The following NUP210L variants were observed in gnomAD, a reference collection of about 807,000 sequenced individuals.
The protein encoded by NUP210L is nuclear pore membrane glycoprotein 210-like.
In NUP210L, 74 loss-of-function variants were observed where a neutral mutation model predicts 208.5. The ratio of observed to expected loss-of-function variants is 0.35; its 90% CI spans 0.29 to 0.43. The LOEUF is 0.43. Ranked by LOEUF, NUP210L falls within the 20% of genes least tolerant of loss-of-function variation. The pLI is 1.00. For missense variants in NUP210L, 1,843 were observed against 2,289.4 expected, an observed-to-expected ratio of 0.81 and a Z score of 3.98; for synonymous variants, 780 against 816.9, an observed-to-expected ratio of 0.95 and a Z score of 0.77.
chr1:154,141,643 AT>A, intron 3 of NUP210L, 119 bp from the exon 4 acceptor site: 1 of 647,134 alleles, frequency 1.5e-6, no homozygotes, highest in South Asian at 1.9e-5. Flanking sequence ...TCATTAAGAA[AT>A]AGAAAGCACT....
intron 16 of NUP210L, among the ~76,000 whole-genome samples, chr1:154,076,139 C>T (rs912529579): frequency 2.2e-5 from 3 of 139,308 alleles, no homozygotes; most frequent in South Asian, 4.6e-4. Context: ...GAGTCTCACT[C>T]TGTTGCCAGG....
At chr1:154,050,284 A>T in intron 25 of NUP210L, among the ~76,000 whole-genome samples, 1 of 152,180 alleles carries the variant, frequency 6.6e-6, no homozygotes, top group South Asian at 2.1e-4. Context: ...AGGCATTCCT[A>T]CCTTGCCATG....
intron 30 of NUP210L, 37 bp downstream of exon 30, chr1:154,025,505 T>C: frequency 2.8e-6 from 4 of 1,412,262 alleles, no homozygotes; most frequent in Non-Finnish European, 3.8e-6. Flanking sequence ...GTATGACTTT[T>C]ATTTATTTGT....
chr1:154,019,152 T>A (rs1289921564), intron 32 of NUP210L, 83 bp from the exon 33 acceptor site: 1 of 1,421,792 alleles, frequency 7.0e-7, no homozygotes, highest in East Asian at 2.3e-5. Flanking sequence ...AATCAGTAAA[T>A]TTTTCAAGCA....
At chr1:154,068,727 A>T (rs1254492031) in intron 17 of NUP210L, among the ~76,000 whole-genome samples, 1 of 152,080 alleles carries the variant, frequency 6.6e-6, no homozygotes, top group African/African-American at 2.4e-5. Flanking sequence ...TCGCAAGAAC[A>T]AAAAACCAAA....
In NUP210L at chr1:154,132,176, C is replaced by T. The variant is rs370908160; in HGVS notation, c.1010-2831G>A. On this transcript the variant is annotated intron_variant, in intron 7 of 39. Coordinates refer to ENST00000368559, the Ensembl canonical transcript of NUP210L. ...TCCTCACACGTTCTCTTTTCCCATA[C>T]GAACCTTAAAAGCTAGCATTACACA... Among the ~76,000 whole-genome samples the T allele has an allele frequency of 7.8e-4, 119 of 152,284 alleles. 2 individuals carry two copies. The South Asian group carries it at 0.019, about 24-fold the overall frequency.
chr1:154,022,032 T>C (rs1651596044), intron 32 of NUP210L, 94 bp downstream of exon 32: 1 of 1,143,752 alleles, frequency 8.7e-7, no homozygotes, highest in African/African-American at 1.5e-5. Flanking sequence ...ACTATACCAG[T>C]CCAAGGGATT....
rs768858895 is a variant in NUP210L, at chr1:154,061,062, G to A, written c.2644-16C>T. 6.4e-7 allele frequency: 1 copy of A among 1,553,880 alleles called. No individual in the cohort carries two copies. Among genetic ancestry groups the A allele is most frequent in the African/African-American group, 1.4e-5 (1 of 73,562 alleles). On this transcript the variant is annotated splice_polypyrimidine_tract_variant and intron_variant, in intron 18 of 39. Coordinates refer to ENST00000368559, the Ensembl canonical transcript of NUP210L. ...TGGAAATTTCCTAGAAATATAATAAGAACCACAAAAGTGAATATAAACATC... is the reference window on the plus strand; with the variant it reads ...TGGAAATTTCCTAGAAATATAATAAAAACCACAAAAGTGAATATAAACATC...
chr1:154,118,635 G>T (rs1254592522), intron 11 of NUP210L, 36 bp downstream of exon 11: 3 of 1,338,648 alleles, frequency 2.2e-6, no homozygotes, highest in African/African-American at 3.0e-5. Flanking sequence ...AGAGAAACCG[G>T]CTTATCTCCT....
At chr1:154,121,663 T>C (rs957509457) in intron 10 of NUP210L, among the ~76,000 whole-genome samples, 14 of 152,032 alleles carry the variant, frequency 9.2e-5, no homozygotes, top group Admixed American at 9.2e-4. Context: ...GGTCAGGAGT[T>C]TGAGACCAGT....
At chr1:154,082,016 G>T (rs768966949) in intron 16 of NUP210L, among the ~76,000 whole-genome samples, 21 of 152,264 alleles carry the variant, frequency 1.4e-4, no homozygotes, top group Middle Eastern at 3.4e-3. Flanking sequence ...AAACTCAGTG[G>T]AATTTCCTGT....
intron 37 of NUP210L, chr1:153,995,928 G>A (rs1174608967): frequency 9.6e-6 from 5 of 518,248 alleles, no homozygotes; most frequent in East Asian, 4.7e-5. Context: ...TGTTGTGAAA[G>A]TGTCGAAGGC....
intron 1 of NUP210L, among the ~76,000 whole-genome samples, chr1:154,153,150 ATG>A (rs1173181741): frequency 6.6e-6 from 1 of 152,028 alleles, no homozygotes; most frequent in African/African-American, 2.4e-5. Context: ...AATACGACTG[ATG>A]TGTTTCTAGT....
intron 25 of NUP210L, 86 bp from the exon 26 acceptor site, chr1:154,046,455 T>C: frequency 1.8e-6 from 2 of 1,124,048 alleles, no homozygotes; most frequent in South Asian, 2.6e-5. Context: ...TAGTTTGCTA[T>C]TGTTTTTAAC....
intron 13 of NUP210L, among the ~76,000 whole-genome samples, chr1:154,102,757 T>C (rs1656533120): frequency 6.6e-6 from 1 of 152,216 alleles, no homozygotes; most frequent in Non-Finnish European, 1.5e-5. Context: ...TTGACCGTTA[T>C]TCATATTTTC....
intron 12 of NUP210L, among the ~76,000 whole-genome samples, chr1:154,114,785 G>T (rs999549368): frequency 6.6e-6 from 1 of 151,188 alleles, no homozygotes; most frequent in African/African-American, 2.4e-5. Context: ...AGATGGGGGG[G>T]GGGGTCTTGC....
chr1:153,992,815 G>A, exon 40 of NUP210L: 1 of 1,530,594 alleles, frequency 6.5e-7, no homozygotes, highest in African/African-American at 1.4e-5. Flanking sequence ...GCAGTTAAGA[G>A]AAACTTGTCC....
intron 16 of NUP210L, chr1:154,079,389 T>G (rs1279289097): frequency 6.6e-6 from 1 of 152,134 alleles, no homozygotes; most frequent in Non-Finnish European, 1.5e-5. Flanking sequence ...TCCAACTAGC[T>G]GGGACTACAG....
chr1:154,065,077 G>GTAAA (rs1287200983), intron 17 of NUP210L, among the ~76,000 whole-genome samples: 23 of 136,732 alleles, frequency 1.7e-4, no homozygotes, highest in Middle Eastern at 3.8e-3. Flanking sequence ...TTCCATCTCA[G>GTAAA]TAAATAAATA....
Sources: gnomAD v4.1 joint callset for allele counts (sites outside exome capture counted in the v4.1 genomes callset) on GRCh38, gnomAD v4.1.1 for gene constraint, MANE v1.5 for transcripts, NCBI Gene and HGNC (gene_info 2026-07-23, HGNC 2026-07-21) for gene names.